OSBPL2: variants seen among roughly 807,000 people sequenced by gnomAD.
OSBPL2 encodes oxysterol-binding protein-related protein 2.
In OSBPL2, 18 loss-of-function variants were observed where a neutral mutation model predicts 58.4. That is an observed-to-expected ratio of 0.31 (90% confidence interval 0.21 to 0.46). The LOEUF (loss-of-function observed/expected upper bound fraction) is 0.46. Among genes scored for constraint, OSBPL2 ranks in the 20% least tolerant of loss-of-function variants. OSBPL2 has a pLI of 1.00. For missense variants in OSBPL2, 461 were observed against 616.5 expected (o/e 0.75, Z 2.67); for synonymous variants, 221 against 234.1 (o/e 0.94, Z 0.51).
chr20:62,264,086 A>G (rs1416051123), intron 4 of OSBPL2, among the ~76,000 whole-genome samples: 1 of 152,026 alleles, frequency 6.6e-6, no homozygotes, highest in Non-Finnish European at 1.5e-5. Context: ...AAAAAAGAAA[A>G]AAAATGCACT....
intron 13 of OSBPL2, among the ~76,000 whole-genome samples, chr20:62,293,265 C>A (rs1983646444): frequency 6.6e-6 from 1 of 152,142 alleles, no homozygotes; most frequent in Non-Finnish European, 1.5e-5. Context: ...CTGCCCCCAC[C>A]CCACCCCCAA....
At chr20:62,248,622 A>G (rs757518877) in intron 1 of OSBPL2, among the ~76,000 whole-genome samples, 1 of 152,210 alleles carries the variant, frequency 6.6e-6, no homozygotes, top group Non-Finnish European at 1.5e-5. Flanking sequence ...CGTGGTGGTC[A>G]GCACCGGATC....
Position 62,295,504 on chromosome 20 carries a change from C to T in OSBPL2, c.*1617C>T, listed in dbSNP as rs1184066509. 1 of 152,168 alleles carries T rather than the reference C, an allele frequency of 6.6e-6. No individual in the cohort carries two copies. The highest frequency in any genetic ancestry group is 1.5e-5 in the Non-Finnish European group (1 of 68,034). The allele number at this position is 152,168 out of a possible 1,614,324, so 9.4% of individuals were successfully genotyped here. A position where few individuals can be genotyped will look rare whatever the true frequency, so the allele number is the denominator to read the frequency against. ...TCGTTTTGAAAGCTTGATTTTGTAGCTTTGGAAGCTGGAAGCGATGGTGTT... is the reference window on the plus strand; with the variant it reads ...TCGTTTTGAAAGCTTGATTTTGTAGTTTTGGAAGCTGGAAGCGATGGTGTT... On this transcript the variant is annotated 3_prime_UTR_variant, in exon 14 of 14. Coordinates refer to ENST00000313733, the MANE Select transcript of OSBPL2 (RefSeq NM_144498.4). The surrounding 1 kb of genome is among the most constrained non-coding windows in gnomAD (Gnocchi z 4.8).
chr20:62,259,264 G>T (rs1333174978), intron 2 of OSBPL2: 4 of 152,266 alleles, frequency 2.6e-5, no homozygotes, highest in Non-Finnish European at 4.4e-5. Context: ...GAAGGGAGAC[G>T]TATGTTCCTG....
intron 1 of OSBPL2, among the ~76,000 whole-genome samples, chr20:62,239,857 T>C (rs1011022423): frequency 2.0e-5 from 3 of 152,194 alleles, no homozygotes; most frequent in African/African-American, 7.2e-5. Context: ...GATCATTTTC[T>C]TGTTTTATGT....
Position 62,293,989 on chromosome 20 carries a change from C to T in OSBPL2, c.*102C>T, listed in dbSNP as rs753274567. On this transcript the variant is annotated 3_prime_UTR_variant, in exon 14 of 14. Coordinates refer to ENST00000313733, the MANE Select transcript of OSBPL2 (RefSeq NM_144498.4). ...TCACAGCAGAAACCAACTTTTCTAA[C>T]GACTGAGTTCGCGGAGATAGCATCA... The T allele has an allele frequency of 1.5e-5, 22 of 1,456,454 alleles. No individual in the cohort carries two copies. Among genetic ancestry groups the T allele is most frequent in the Middle Eastern group, 1.8e-4 (1 of 5,614 alleles). 90.2% of individuals were successfully genotyped at this position (1,456,454 alleles called of 1,614,324 possible).
intron 2 of OSBPL2, among the ~76,000 whole-genome samples, chr20:62,257,820 T>G (rs180979581): frequency 4.3e-4 from 65 of 151,964 alleles, no homozygotes; most frequent in African/African-American, 1.5e-3. Flanking sequence ...GTTCAAGCAG[T>G]TCTCCTGCCT....
At chr20:62,260,367 GA>G (rs1439724973) in intron 3 of OSBPL2, among the ~76,000 whole-genome samples, 1 of 152,168 alleles carries the variant, frequency 6.6e-6, no homozygotes, top group African/African-American at 2.4e-5. Flanking sequence ...CCCCATCTAA[GA>G]AATGCCTCTG....
intron 2 of OSBPL2, among the ~76,000 whole-genome samples, chr20:62,258,663 C>T (rs1981094823): frequency 6.6e-6 from 1 of 152,124 alleles, no homozygotes; most frequent in African/African-American, 2.4e-5. Context: ...GTGGTGGCTG[C>T]CAGGTCTTAG....
intron 3 of OSBPL2, among the ~76,000 whole-genome samples, chr20:62,261,588 C>G (rs865798583): frequency 2.0e-5 from 3 of 152,088 alleles, no homozygotes; most frequent in South Asian, 4.2e-4. Flanking sequence ...CCCCCACCCC[C>G]GCTCCTGCAT....
In OSBPL2 at chr20:62,238,598, G is replaced by A. The variant is rs1302696695; in HGVS notation, c.-129+1G>A. 1 of 148,972 alleles carries A rather than the reference G, an allele frequency of 6.7e-6. No individual in the cohort carries two copies. Among genetic ancestry groups the A allele is most frequent in the Non-Finnish European group, 1.5e-5 (1 of 66,738 alleles). 9.2% of individuals were successfully genotyped at this position (148,972 alleles called of 1,614,324 possible). A position where few individuals can be genotyped will look rare whatever the true frequency, so the allele number is the denominator to read the frequency against. On this transcript the variant is annotated splice_donor_variant, in intron 1 of 13. Coordinates refer to ENST00000313733, the MANE Select transcript of OSBPL2 (RefSeq NM_144498.4). LOFTEE classifies it low-confidence loss of function (5UTR_SPLICE). ...CGGCAACCGAGGGACCCGCGTCCAG[G>A]TGAGTGGCCCCCGCCGCCGCCACGC...
chr20:62,292,036 T>A (rs1983556807), intron 13 of OSBPL2, among the ~76,000 whole-genome samples: 1 of 152,146 alleles, frequency 6.6e-6, no homozygotes, highest in Non-Finnish European at 1.5e-5. Context: ...ACTGCCCAGG[T>A]AAGAGCCCAT....
intron 1 of OSBPL2, among the ~76,000 whole-genome samples, chr20:62,245,940 GCA>G (rs1482246945): frequency 9.9e-5 from 15 of 152,252 alleles, no homozygotes; most frequent in African/African-American, 3.6e-4. Context: ...GTTTCAGTGA[GCA>G]CAGACGGAGC....
Position 62,284,157 on chromosome 20 carries a change from A to G in OSBPL2, c.984A>G (p.Arg328=). The change falls in exon 10 of 14, where the codon AGA becomes AGG. Residue 328 remains arginine (R), a synonymous_variant. Coordinates refer to ENST00000313733, the MANE Select transcript of OSBPL2 (RefSeq NM_144498.4). The part of the protein sequence containing the change: ...KKQERRGDHL[R]KAKLDEDSGK... ...AGGAGAGGAGAGGTGACCACCTGAG[A>G]AAGGCCAAGCTGGTAAGGGCTGGGG... is the stretch of plus-strand genomic sequence containing the variant. 6.2e-7 allele frequency: 1 copy of G among 1,614,114 alleles called. No homozygotes were observed. Among genetic ancestry groups the G allele is most frequent in the Non-Finnish European group, 8.5e-7 (1 of 1,180,002 alleles).
intron 4 of OSBPL2, among the ~76,000 whole-genome samples, chr20:62,265,323 G>A (rs1054201316): frequency 6.6e-6 from 1 of 151,952 alleles, no homozygotes; most frequent in East Asian, 1.9e-4. Context: ...CCTTATTTAC[G>A]GACTATAAAT....
intron 4 of OSBPL2, chr20:62,271,813 G>GTC: frequency 6.6e-6 from 2 of 303,726 alleles, no homozygotes; most frequent in Non-Finnish European, 1.2e-5. Flanking sequence ...GGCGCAGGTG[G>GTC]GCCCAAGAGC....
Position 62,294,905 on chromosome 20 carries a change from C to T in OSBPL2, c.*1018C>T, listed in dbSNP as rs1240716386. 3 of 151,714 alleles carry T rather than the reference C, an allele frequency of 2.0e-5. No individual in the cohort carries two copies. Among genetic ancestry groups the T allele is most frequent in the Non-Finnish European group, 2.9e-5 (2 of 67,962 alleles). 9.4% of individuals were successfully genotyped at this position (151,714 alleles called of 1,614,324 possible). A position where few individuals can be genotyped will look rare whatever the true frequency, so the allele number is the denominator to read the frequency against. On this transcript the variant is annotated 3_prime_UTR_variant, in exon 14 of 14. Transcript: ENST00000313733. ...TAACCAAAAATAGGTATGTGTCCAT[C>T]TCAGCATTCACCTTTATCAAGTGAC... is the stretch of plus-strand genomic sequence containing the variant.
intron 1 of OSBPL2, among the ~76,000 whole-genome samples, chr20:62,240,014 G>A (rs540182343): frequency 2.0e-5 from 3 of 152,020 alleles, no homozygotes; most frequent in Non-Finnish European, 4.4e-5. Flanking sequence ...CACCACGCCC[G>A]CCTAATTTTT....
In OSBPL2 at chr20:62,269,416, G is replaced by C. The variant is rs964346408; in HGVS notation, c.259-2709G>C. Among the ~76,000 whole-genome samples, 1 of 152,248 alleles carries C rather than the reference G, an allele frequency of 6.6e-6. No individual in the cohort carries two copies. Among genetic ancestry groups the C allele is most frequent in the Non-Finnish European group, 1.5e-5 (1 of 68,042 alleles). On this transcript the variant is annotated intron_variant, in intron 4 of 13. Coordinates refer to ENST00000313733, the MANE Select transcript of OSBPL2 (RefSeq NM_144498.4). The surrounding 1 kb of genome is among the most constrained non-coding windows in gnomAD (Gnocchi z 4.2). The stretch of plus-strand genomic sequence containing the variant: ...TGGGTCAGGGGCAAATACCCGTAGA[G>C]TTTGCTAGAAGCAGCCCAGTCCCCT...
Sources: allele counts gnomAD v4.1 joint callset (sites outside exome capture counted in the v4.1 genomes callset), GRCh38; gene constraint gnomAD v4.1.1; non-coding constraint Gnocchi (gnomAD v3.1); transcripts MANE v1.5; gene names NCBI Gene and HGNC (gene_info 2026-07-23, HGNC 2026-07-21).